The following HDAC9 variants were observed in gnomAD, a reference collection of about 807,000 sequenced individuals.
HDAC9 encodes the protein histone deacetylase 9.
A neutral mutation model predicts 139.4 loss-of-function variants in HDAC9; 41 were observed. That is an observed-to-expected ratio of 0.29 (90% confidence interval 0.23 to 0.38). The LOEUF is 0.38. Among genes scored for constraint, HDAC9 ranks in the 10% least tolerant of loss-of-function variants. The probability of loss-of-function intolerance (pLI) is 1.00; values close to 1 mark genes in which losing one functional copy is unlikely to be tolerated. For synonymous variants in HDAC9, 517 were observed against 476.2 expected (o/e 1.09, Z -1.12); for missense variants, 1,147 against 1,297.0 (o/e 0.88, Z 1.78).
chr7:18,582,023 A>C (rs529597135), intron 2 of HDAC9, among the ~76,000 whole-genome samples: 58 of 152,328 alleles, frequency 3.8e-4, no homozygotes, highest in African/African-American at 1.4e-3. Flanking sequence ...CCCAAGATTG[A>C]TATCAGTCTG....
intron 1 of HDAC9, among the ~76,000 whole-genome samples, chr7:18,472,768 A>G (rs1170316418): frequency 6.6e-6 from 1 of 152,024 alleles, no homozygotes; most frequent in East Asian, 1.9e-4. Flanking sequence ...GTTTTATTTT[A>G]ATGTTGCAAT....
intron 2 of HDAC9, among the ~76,000 whole-genome samples, chr7:18,530,030 G>C (rs140371560): frequency 2.0e-5 from 3 of 152,062 alleles, no homozygotes; most frequent in Admixed American, 6.6e-5. Flanking sequence ...CAGCAATTTG[G>C]GGGGGTGTGG....
rs111484191 is a variant in HDAC9 at position 18,656,446 on chromosome 7, T to C, written c.1467+7763T>C. 1.8e-3 allele frequency among the ~76,000 whole-genome samples: 274 copies of C among 152,264 alleles called. 1 individual carries two copies. The highest frequency in any genetic ancestry group is 6.4e-3 in the African/African-American group (268 of 41,574). On this transcript the variant is annotated intron_variant, in intron 11 of 25. Transcript: ENST00000686413. ...AAGACCTGTAAACAGATCATTATAATCAAATATGATTCTATCAAATGCATA... is the reference window on the plus strand; with the variant it reads ...AAGACCTGTAAACAGATCATTATAACCAAATATGATTCTATCAAATGCATA...
chr7:18,138,598 A>C (rs149542359), intron 1 of HDAC9, among the ~76,000 whole-genome samples: 1 of 149,704 alleles, frequency 6.7e-6, no homozygotes, highest in East Asian at 2.0e-4. Flanking sequence ...GTTTTGGCTC[A>C]AGTGGATACA....
chr7:18,370,549 G>A (rs1231041908), intron 1 of HDAC9, among the ~76,000 whole-genome samples: 1 of 152,038 alleles, frequency 6.6e-6, no homozygotes, highest in Non-Finnish European at 1.5e-5. Context: ...TCTTTGTTTA[G>A]CAAGCTGAAC....
rs551647294 is a variant in HDAC9, at chr7:18,916,688, C to T, written c.2804-19121C>T. ...TTGGATTTAAGTGCAGCATTCTACC[C>T]GCCTATCAGAGCCATTACTCCCAAA... On this transcript the variant is annotated intron_variant, in intron 22 of 25. Coordinates refer to ENST00000686413, the MANE Select transcript of HDAC9 (RefSeq NM_178425.4). Among the ~76,000 whole-genome samples the T allele has an allele frequency of 4.3e-4, 65 of 152,078 alleles. No individual in the cohort carries two copies. In the South Asian group the frequency reaches 7.1e-3, roughly 16 times the overall value.
chr7:18,413,247 C>T (rs958977802), intron 1 of HDAC9, among the ~76,000 whole-genome samples: 10 of 152,070 alleles, frequency 6.6e-5, no homozygotes, highest in Non-Finnish European at 1.3e-4. Context: ...CAGAAGGAAG[C>T]CCAGACGTCT....
intron 2 of HDAC9, among the ~76,000 whole-genome samples, chr7:18,232,883 T>A (rs1793559646): frequency 1.3e-5 from 2 of 152,216 alleles, no homozygotes. Flanking sequence ...TCTGCTCCCC[T>A]TTCTAATCTG....
At chr7:18,592,421 A>G (rs1449638690) in intron 5 of HDAC9, among the ~76,000 whole-genome samples, 1 of 152,174 alleles carries the variant, frequency 6.6e-6, no homozygotes, top group East Asian at 1.9e-4. Context: ...AGGGCAAAGA[A>G]CTGATAGGCA....
intron 17 of HDAC9, among the ~76,000 whole-genome samples, chr7:18,802,590 A>G (rs1363589760): frequency 2.0e-5 from 3 of 151,738 alleles, no homozygotes; most frequent in Non-Finnish European, 4.4e-5. Flanking sequence ...TATAATGGCT[A>G]TTTAAAAATG....
chr7:18,137,820 A>C (rs376312290), intron 1 of HDAC9, among the ~76,000 whole-genome samples: 35 of 152,322 alleles, frequency 2.3e-4, no homozygotes, highest in East Asian at 1.2e-3. Context: ...CTGGCCTCAT[A>C]AAATGAGTTA....
At chr7:18,136,220 T>A in intron 1 of HDAC9, among the ~76,000 whole-genome samples, 1 of 149,922 alleles carries the variant, frequency 6.7e-6, no homozygotes, top group Non-Finnish European at 1.5e-5. Context: ...GTCAGATGAG[T>A]AGGTTGCGAA....
rs1286391179 is a variant in HDAC9, at chr7:18,997,832, C to A, written c.*1770C>A. The stretch of plus-strand genomic sequence containing the variant: ...ATTTTAATTTTAAAGACTTTTATTA[C>A]ATATACAAAAATGGCTCAATACTTG... On this transcript the variant is annotated 3_prime_UTR_variant, in exon 26 of 26. Transcript: ENST00000686413. 2 of 152,032 alleles carry A rather than the reference C, an allele frequency of 1.3e-5. No homozygotes were observed. The highest frequency in any genetic ancestry group is 3.8e-4 in the East Asian group (2 of 5,200). 9.4% of individuals were successfully genotyped at this position (152,032 alleles called of 1,614,324 possible).
intron 2 of HDAC9, among the ~76,000 whole-genome samples, chr7:18,269,244 A>C (rs1796196007): frequency 6.6e-6 from 1 of 152,166 alleles, no homozygotes. Context: ...ATAAAACTCT[A>C]AACTTTGAAA....
intron 2 of HDAC9, among the ~76,000 whole-genome samples, chr7:18,189,511 G>A (rs1790180315): frequency 6.6e-6 from 1 of 152,102 alleles, no homozygotes; most frequent in Non-Finnish European, 1.5e-5. Context: ...AGAATCACGT[G>A]GGGCTTATTA....
At chr7:18,757,781 C>T (rs1789011772) in intron 14 of HDAC9, among the ~76,000 whole-genome samples, 1 of 152,048 alleles carries the variant, frequency 6.6e-6, no homozygotes, top group Non-Finnish European at 1.5e-5. Flanking sequence ...TTTATCCTGT[C>T]ACAGTATGAC....
chr7:18,427,783 T>C (rs1441659747), intron 1 of HDAC9, among the ~76,000 whole-genome samples: 1 of 151,980 alleles, frequency 6.6e-6, no homozygotes, highest in Non-Finnish European at 1.5e-5. Flanking sequence ...GATTTTTAAA[T>C]GTATAATACT....
chr7:18,343,633 A>G (rs1342255045), intron 1 of HDAC9, among the ~76,000 whole-genome samples: 1 of 151,846 alleles, frequency 6.6e-6, no homozygotes, highest in African/African-American at 2.4e-5. Context: ...TACATTTTTA[A>G]AAACAGCAAA....
At chr7:18,341,880 C>G (rs1038257761) in intron 1 of HDAC9, among the ~76,000 whole-genome samples, 2 of 151,692 alleles carry the variant, frequency 1.3e-5, no homozygotes, top group African/African-American at 4.8e-5. Context: ...TATCTAAGGA[C>G]AGTTATTTGA....
Sources: allele counts gnomAD v4.1 joint callset (sites outside exome capture counted in the v4.1 genomes callset), GRCh38; gene constraint gnomAD v4.1.1; transcripts MANE v1.5; gene names NCBI Gene and HGNC (gene_info 2026-07-23, HGNC 2026-07-21).